Variants in FAF1 observed in about 807,000 individuals in gnomAD.
The protein encoded by FAF1 is Fas associated factor 1.
In FAF1, 25 loss-of-function variants were observed where a neutral mutation model predicts 92.5. The observed-to-expected ratio is 0.27, with a 90% CI of 0.20 to 0.38. The LOEUF is 0.38. Ranked by LOEUF, FAF1 falls within the 10% of genes least tolerant of loss-of-function variation. FAF1 has a pLI of 1.00. For synonymous variants in FAF1, 234 were observed against 273.2 expected, an observed-to-expected ratio of 0.86 and a Z score of 1.42; for missense variants, 636 against 793.3, an observed-to-expected ratio of 0.80 and a Z score of 2.38.
chr1:50,932,949 C>T (rs1295749413), intron 1 of FAF1, among the ~76,000 whole-genome samples: 1 of 152,222 alleles, frequency 6.6e-6, no homozygotes, highest in African/African-American at 2.4e-5. Flanking sequence ...CCCTCTCAAG[C>T]CATAGCCCAA....
chr1:50,806,739 G>A (rs548077877), intron 2 of FAF1, among the ~76,000 whole-genome samples: 2 of 152,290 alleles, frequency 1.3e-5, no homozygotes, highest in East Asian at 3.9e-4. Context: ...CCTAAAGTGA[G>A]AGCATGAAGC....
At chr1:50,521,173 G>A (rs1441393115) in intron 15 of FAF1, among the ~76,000 whole-genome samples, 3 of 151,958 alleles carry the variant, frequency 2.0e-5, no homozygotes, top group African/African-American at 7.3e-5. Context: ...GCTTTTTATG[G>A]TGAGAACTCA....
At chr1:50,486,728 C>T (rs1310339767) in intron 17 of FAF1, among the ~76,000 whole-genome samples, 1 of 152,094 alleles carries the variant, frequency 6.6e-6, no homozygotes, top group East Asian at 1.9e-4. Context: ...TGCCTCGCAC[C>T]TACAGCATAA....
At chr1:50,935,474 CTT>C (rs112833489) in intron 1 of FAF1, among the ~76,000 whole-genome samples, 14 of 139,336 alleles carry the variant, frequency 1.0e-4, no homozygotes, top group East Asian at 2.1e-4. Flanking sequence ...TTTACTCTCT[CTT>C]TTTTTTTTTT....
intron 6 of FAF1, among the ~76,000 whole-genome samples, chr1:50,709,275 T>C (rs1245955628): frequency 6.6e-6 from 1 of 152,206 alleles, no homozygotes; most frequent in African/African-American, 2.4e-5. Flanking sequence ...TGACCTTCTC[T>C]TCTCCTCTGA....
intron 1 of FAF1, among the ~76,000 whole-genome samples, chr1:50,886,007 CTT>C (rs1221055152): frequency 6.6e-6 from 1 of 152,106 alleles, no homozygotes; most frequent in Non-Finnish European, 1.5e-5. Context: ...CTCTTTTTAA[CTT>C]TTTGTTTCTA....
At chr1:50,712,193 T>C (rs1657961618) in intron 6 of FAF1, among the ~76,000 whole-genome samples, 1 of 152,190 alleles carries the variant, frequency 6.6e-6, no homozygotes, top group Non-Finnish European at 1.5e-5. Context: ...AATTCACATA[T>C]AGTACCCCTG....
At chr1:50,885,375 T>C (rs1259675854) in intron 1 of FAF1, among the ~76,000 whole-genome samples, 1 of 149,788 alleles carries the variant, frequency 6.7e-6, no homozygotes, top group Non-Finnish European at 1.5e-5. Context: ...GGTGCCCCAG[T>C]GTTAGATGCA....
At chr1:50,539,915 T>C (rs1648680788) in intron 13 of FAF1, among the ~76,000 whole-genome samples, 187 bp from the exon 14 acceptor site, 1 of 152,150 alleles carries the variant, frequency 6.6e-6, no homozygotes, top group Non-Finnish European at 1.5e-5. Flanking sequence ...GATTATCATA[T>C]AGAAAAGCAG....
chr1:50,612,477 A>G, intron 8 of FAF1: 1 of 1,078,792 alleles, frequency 9.3e-7, no homozygotes, highest in Non-Finnish European at 1.1e-6. Flanking sequence ...ATGCAAGGAT[A>G]CATCTCAAGC....
At chr1:50,705,398 C>T (rs1657632818) in intron 7 of FAF1, among the ~76,000 whole-genome samples, 1 of 152,178 alleles carries the variant, frequency 6.6e-6, no homozygotes, top group African/African-American at 2.4e-5. Flanking sequence ...TAGAAACAGG[C>T]AGAGTACACA....
chr1:50,686,475 G>C (rs959410240), intron 7 of FAF1, among the ~76,000 whole-genome samples: 14 of 152,036 alleles, frequency 9.2e-5, no homozygotes, highest in African/African-American at 3.4e-4. Flanking sequence ...CTGGGAGGTG[G>C]AAGTTGCCGT....
chr1:50,765,352 T>C (rs1660525021), intron 4 of FAF1, among the ~76,000 whole-genome samples: 1 of 152,200 alleles, frequency 6.6e-6, no homozygotes, highest in African/African-American at 2.4e-5. Flanking sequence ...TTTTAACCAA[T>C]ACATTATCTA....
chr1:50,623,256 G>A (rs748070317), intron 8 of FAF1, among the ~76,000 whole-genome samples: 1 of 152,070 alleles, frequency 6.6e-6, no homozygotes, highest in Non-Finnish European at 1.5e-5. Flanking sequence ...AGTGTAGTTT[G>A]GGAATTTTTA....
chr1:50,503,614 CT>C (rs1647018868), intron 15 of FAF1, among the ~76,000 whole-genome samples: 1 of 141,930 alleles, frequency 7.0e-6, no homozygotes, highest in Non-Finnish European at 1.5e-5. Context: ...TTCCCTGTCT[CT>C]TTAAAAAAAA....
In FAF1 at chr1:50,494,715, G is replaced by A. The variant is rs149915777; in HGVS notation, c.1495-2914C>T. On this transcript the variant is annotated intron_variant, in intron 15 of 18. Transcript: ENST00000396153. ...CCCTACCTGAGCTGTACACTCCCAG[G>A]GGTAAAAGACTCTATTTCATATGTC... Among the ~76,000 whole-genome samples, 407 of 152,262 alleles carry A rather than the reference G, an allele frequency of 2.7e-3. 2 individuals are homozygous for A. The highest frequency in any genetic ancestry group is 5.4e-3 in the Admixed American group (82 of 15,290).
intron 1 of FAF1, among the ~76,000 whole-genome samples, chr1:50,952,485 T>C (rs1645223794): frequency 6.6e-6 from 1 of 152,202 alleles, no homozygotes; most frequent in Non-Finnish European, 1.5e-5. Context: ...CCGCCTGCCT[T>C]GGCCTCCCAA....
intron 2 of FAF1, among the ~76,000 whole-genome samples, chr1:50,819,714 TAC>T (rs1207811514): frequency 6.5e-5 from 2 of 30,660 alleles, no homozygotes; most frequent in South Asian, 1.0e-3. Context: ...CATATATATA[TAC>T]GTATATATAT....
At chr1:50,669,693 A>T (rs1215286068) in intron 7 of FAF1, among the ~76,000 whole-genome samples, 2 of 152,258 alleles carry the variant, frequency 1.3e-5, no homozygotes, top group Non-Finnish European at 2.9e-5. Flanking sequence ...GTAATTGTGT[A>T]TGTAATAATC....
Sources: gnomAD v4.1 joint callset for allele counts (sites outside exome capture counted in the v4.1 genomes callset) on GRCh38, gnomAD v4.1.1 for gene constraint, MANE v1.5 for transcripts, NCBI Gene and HGNC (gene_info 2026-07-23, HGNC 2026-07-21) for gene names.